Variants in HERC3 observed in about 807,000 individuals in gnomAD.
The protein encoded by HERC3 is HECT and RLD domain containing E3 ubiquitin protein ligase 3, also known as probable E3 ubiquitin-protein ligase HERC3.
A neutral mutation model predicts 129.9 loss-of-function variants in HERC3; 58 were observed. That is an observed-to-expected ratio of 0.45 (90% CI 0.36 to 0.56). The LOEUF is 0.56. Ranked by LOEUF, HERC3 falls within the 20% of genes least tolerant of loss-of-function variation. The pLI is 0.00. For synonymous variants in HERC3, 430 were observed against 451.0 expected, an observed-to-expected ratio of 0.95 and a Z score of 0.59; for missense variants, 835 against 1,244.2, an observed-to-expected ratio of 0.67 and a Z score of 4.95.
At chr4:88,704,863 C>CTTTCTTTCTTTTTTTTTTTTT (rs1336673525) in intron 25 of HERC3, among the ~76,000 whole-genome samples, 1 of 130,672 alleles carries the variant, frequency 7.7e-6, no homozygotes, top group African/African-American at 3.0e-5. Context: ...TTCTTTCTTT[C>CTTTCTTTCTTTTTTTTTTTTT]TTTTTTTTTT....
chr4:88,536,744 TGAAAA>T, the HERC3 span, among the ~76,000 whole-genome samples: 1 of 144,628 alleles, frequency 6.9e-6, no homozygotes, highest in East Asian at 2.0e-4. Flanking sequence ...TAGCTACCTG[TGAAAA>T]GAAAAGCACA....
At chr4:88,532,471 C>T in the HERC3 span, among the ~76,000 whole-genome samples, 3 of 152,292 alleles carry the variant, frequency 2.0e-5, no homozygotes, top group South Asian at 6.2e-4. Context: ...CTTCCTCCAC[C>T]TTTTTATTCT....
chr4:88,634,989 C>G (rs1400131304), intron 3 of HERC3, among the ~76,000 whole-genome samples: 1 of 152,126 alleles, frequency 6.6e-6, no homozygotes, highest in African/African-American at 2.4e-5. Context: ...CACAAAAATC[C>G]TTATCCAAGG....
intron 13 of HERC3, 67 bp downstream of exon 13, chr4:88,667,555 A>G (rs1318210166): frequency 4.8e-6 from 4 of 829,326 alleles, no homozygotes; most frequent in Non-Finnish European, 5.8e-6. Context: ...TTCAACTTCA[A>G]GAGAAAAAGA....
intron 23 of HERC3, 100 bp from the exon 24 acceptor site, chr4:88,703,998 A>C: frequency 9.1e-7 from 1 of 1,102,472 alleles, no homozygotes; most frequent in Non-Finnish European, 1.3e-6. Flanking sequence ...GAATTTGATG[A>C]AATTCTATTT....
chr4:88,592,755 C>T (rs1437956715), intron 1 of HERC3, among the ~76,000 whole-genome samples, 181 bp downstream of exon 1: 3 of 152,022 alleles, frequency 2.0e-5, no homozygotes, highest in Non-Finnish European at 4.4e-5. Flanking sequence ...GGGTCTGGGG[C>T]GCGGGGAGGT....
chr4:88,545,532 G>A, the HERC3 span, among the ~76,000 whole-genome samples: 2 of 149,140 alleles, frequency 1.3e-5, no homozygotes, highest in African/African-American at 2.5e-5. Flanking sequence ...TCTTGGACTC[G>A]AGTGATCCTA....
At chr4:88,551,569 C>A in the HERC3 span, among the ~76,000 whole-genome samples, 1 of 151,264 alleles carries the variant, frequency 6.6e-6, no homozygotes, top group East Asian at 1.9e-4. Context: ...AAATGCAAAT[C>A]AAAACCACAA....
intron 3 of HERC3, among the ~76,000 whole-genome samples, chr4:88,633,668 A>G (rs1372662344): frequency 6.6e-6 from 1 of 152,172 alleles, no homozygotes; most frequent in Admixed American, 6.5e-5. Context: ...AAATCCAAAT[A>G]TAGCAATGAT....
At chr4:88,661,554 G>A (rs1211713444) in intron 10 of HERC3, among the ~76,000 whole-genome samples, 2 of 152,212 alleles carry the variant, frequency 1.3e-5, no homozygotes, top group African/African-American at 4.8e-5. Context: ...GAGAATAGGA[G>A]TATAAAGCAC....
chr4:88,573,436 G>C, the HERC3 span, among the ~76,000 whole-genome samples: 1 of 152,212 alleles, frequency 6.6e-6, no homozygotes, highest in South Asian at 2.1e-4. Flanking sequence ...ACACTGCTAC[G>C]AGTCAGTGTC....
chr4:88,569,471 T>G, the HERC3 span, among the ~76,000 whole-genome samples: 11 of 152,366 alleles, frequency 7.2e-5, no homozygotes, highest in East Asian at 2.1e-3. Flanking sequence ...AGGTACTTTC[T>G]TATGTGGATA....
At chr4:88,615,077 G>A (rs747219227) in intron 3 of HERC3, among the ~76,000 whole-genome samples, 2 of 152,172 alleles carry the variant, frequency 1.3e-5, no homozygotes, top group Admixed American at 6.5e-5. Context: ...TTGGAGGAGC[G>A]AATTGTAACA....
At chr4:88,527,653 T>C in the HERC3 span, 1 of 285,958 alleles carries the variant, frequency 3.5e-6, no homozygotes, top group Non-Finnish European at 6.7e-6. Context: ...TAAGCTCCCC[T>C]CCCTCATGCC....
At chr4:88,585,154 G>A in the HERC3 span, among the ~76,000 whole-genome samples, 1 of 152,132 alleles carries the variant, frequency 6.6e-6, no homozygotes, top group African/African-American at 2.4e-5. Context: ...TCTTTTATGT[G>A]GGCACTAATT....
intron 14 of HERC3, 143 bp downstream of exon 14, chr4:88,668,224 G>C: frequency 1.6e-6 from 1 of 611,650 alleles, no homozygotes. Context: ...TTTCTTTGCT[G>C]TTAATTTTTA....
the HERC3 span, among the ~76,000 whole-genome samples, chr4:88,536,481 A>G: frequency 6.6e-6 from 1 of 152,120 alleles, no homozygotes. Context: ...ACTCACTCTT[A>G]TTATAACATT....
At chr4:88,600,132 C>A (rs1722819306) in intron 2 of HERC3, among the ~76,000 whole-genome samples, 2 of 152,078 alleles carry the variant, frequency 1.3e-5, no homozygotes, top group African/African-American at 4.8e-5. Context: ...CAAATCAGGT[C>A]TTATCTGCTG....
the HERC3 span, among the ~76,000 whole-genome samples, chr4:88,571,819 C>T: frequency 1.3e-5 from 2 of 152,126 alleles, no homozygotes; most frequent in South Asian, 2.1e-4. Context: ...TCTGAGACTA[C>T]TTTACTCCGT....
Sources: allele counts gnomAD v4.1 joint callset (sites outside exome capture counted in the v4.1 genomes callset), GRCh38; gene constraint gnomAD v4.1.1; transcripts MANE v1.5; gene names NCBI Gene and HGNC (gene_info 2026-07-23, HGNC 2026-07-21).